The following FNBP4 variants were observed in gnomAD, a reference collection of about 807,000 sequenced individuals.
FNBP4 encodes the protein formin-binding protein 4.
A neutral mutation model predicts 119.3 loss-of-function variants in FNBP4; 34 were observed. The ratio of observed to expected loss-of-function variants is 0.28; its 90% confidence interval spans 0.22 to 0.38. The LOEUF (loss-of-function observed/expected upper bound fraction) is 0.38, where lower values mean the gene tolerates loss of function less well. Among genes scored for constraint, FNBP4 ranks in the 10% least tolerant of loss-of-function variants. The pLI is 1.00. For synonymous variants in FNBP4, 462 were observed against 430.6 expected (o/e 1.07, Z -0.90); for missense variants, 1,112 against 1,228.9 (o/e 0.90, Z 1.42).
Position 47,722,079 on chromosome 11 carries a change from T to G in FNBP4, c.2805+897A>C, listed in dbSNP as rs547722290. Reference sequence around the variant, plus strand: ...GGAAAAAAAAATATTTCTCATAGATTTATTTTTCCCTTATCTACTCCCAAG... The same window carrying G: ...GGAAAAAAAAATATTTCTCATAGATGTATTTTTCCCTTATCTACTCCCAAG... On this transcript the variant is annotated intron_variant, in intron 15 of 16. Transcript: ENST00000263773. Among the ~76,000 whole-genome samples, 239 of 138,390 alleles carry G rather than the reference T, an allele frequency of 1.7e-3. 1 individual carries two copies. Among genetic ancestry groups the G allele is most frequent in the Middle Eastern group, 0.011 (3 of 264 alleles). 90.8% of individuals were successfully genotyped at this position (138,390 alleles called of 152,430 possible).
At chr11:47,744,529 T>C (rs1401007525) in intron 7 of FNBP4, among the ~76,000 whole-genome samples, 2 of 152,208 alleles carry the variant, frequency 1.3e-5, no homozygotes, top group East Asian at 3.8e-4. Flanking sequence ...CCCAAAGTCC[T>C]GGGATTACAG....
chr11:47,735,464 T>C (rs2097572759), intron 9 of FNBP4, among the ~76,000 whole-genome samples: 1 of 152,228 alleles, frequency 6.6e-6, no homozygotes, highest in East Asian at 1.9e-4. Flanking sequence ...GGTCTAACTC[T>C]CCCATGAGAT....
At chr11:47,728,134 C>T (rs1021347266) in intron 12 of FNBP4, among the ~76,000 whole-genome samples, 1 of 152,146 alleles carries the variant, frequency 6.6e-6, no homozygotes, top group Non-Finnish European at 1.5e-5. Flanking sequence ...CCTCAGCCTC[C>T]CAAAGTGCTG....
intron 2 of FNBP4, among the ~76,000 whole-genome samples, chr11:47,764,380 C>A (rs1480089150): frequency 6.6e-6 from 1 of 152,188 alleles, no homozygotes; most frequent in Non-Finnish European, 1.5e-5. Flanking sequence ...CTGCTCCTGG[C>A]TAAATTCTAC....
chr11:47,752,286 G>A (rs569230436), intron 4 of FNBP4, among the ~76,000 whole-genome samples: 190 of 151,666 alleles, frequency 1.3e-3, no homozygotes, highest in African/African-American at 4.4e-3. Flanking sequence ...TTTGCTGGGC[G>A]TGGTGGTGGG....
rs1301434577 is a variant in FNBP4 at position 47,724,155 on chromosome 11, G to A, written c.2337C>T (p.Thr779=). 17 of 1,614,004 alleles carry A rather than the reference G, an allele frequency of 1.1e-5. No individual in the cohort carries two copies. The South Asian group carries it at 1.3e-4, about 13-fold the overall frequency. ...VVTSQSSVDS[T]ISSSSSTKGI... ...CTTTAGTGGAAGAAGAACTAGAGAT[G>A]GTGGAATCAACTGAACTCTGAAACA... Residue 779 remains threonine (T), a synonymous_variant, in exon 14 of 17, where the codon ACC becomes ACT. Coordinates refer to ENST00000263773, the MANE Select transcript of FNBP4 (RefSeq NM_015308.5).
chr11:47,724,857 C>A, intron 12 of FNBP4, 79 bp from the exon 13 acceptor site: 3 of 1,493,598 alleles, frequency 2.0e-6, no homozygotes, highest in South Asian at 1.4e-5. Context: ...TTCAACTGGT[C>A]AGTAAGATAA....
Position 47,752,951 on chromosome 11 carries a change from C to A in FNBP4, c.602G>T (p.Gly201Val). 1 of 1,613,760 alleles carries A rather than the reference C, an allele frequency of 6.2e-7. No homozygotes were observed. Among genetic ancestry groups the A allele is most frequent in the Non-Finnish European group, 8.5e-7 (1 of 1,179,828 alleles). Residue 201 changes from glycine to valine, a missense_variant, in exon 4 of 17, where the codon GGT (glycine) becomes GTT (valine). This residue lies in a region of FNBP4 where 826 missense variants were observed against 988.8 expected (regional missense o/e 0.84). Transcript: ENST00000263773. ...SNGTDSTQTS[G>V]WQYDTQCSLA... ...TGAACACTGAGTATCATATTGCCAA[C>A]CAGATGTTTGGGTGGAGTCTGTTCC...
chr11:47,766,093 T>C (rs1358985892), intron 1 of FNBP4, among the ~76,000 whole-genome samples: 2 of 151,980 alleles, frequency 1.3e-5, no homozygotes, highest in African/African-American at 2.4e-5. Context: ...TCGCCTGTAA[T>C]GATCGCTTGA....
intron 4 of FNBP4, among the ~76,000 whole-genome samples, chr11:47,752,178 C>A (rs2097605332): frequency 6.6e-6 from 1 of 151,906 alleles, no homozygotes; most frequent in Non-Finnish European, 1.5e-5. Context: ...AATCACAGCA[C>A]CTTGGGAGGC....
chr11:47,755,362 T>C lies in FNBP4; in HGVS notation c.314-698A>G, dbSNP rs547542004. 4.5e-4 allele frequency among the ~76,000 whole-genome samples: 60 copies of C among 134,252 alleles called. No individual in the cohort carries two copies. The South Asian group carries it at 0.01, about 23-fold the overall frequency. 88.1% of individuals were successfully genotyped at this position (134,252 alleles called of 152,430 possible). On this transcript the variant is annotated intron_variant, in intron 2 of 16. Transcript: ENST00000263773. The stretch of plus-strand genomic sequence containing the variant: ...TACTCAGGAGGCTGAAGCAGAAAAA[T>C]TGCTTGAACTCGGGAGGCGGAGGTT...
intron 8 of FNBP4, among the ~76,000 whole-genome samples, chr11:47,741,390 G>A (rs1328603832): frequency 6.6e-6 from 1 of 151,636 alleles, no homozygotes; most frequent in Non-Finnish European, 1.5e-5. Flanking sequence ...GGCTGGTCTT[G>A]ACTCCTGGCC....
At chr11:47,736,244 A>G (rs1279736099) in intron 9 of FNBP4, among the ~76,000 whole-genome samples, 180 of 31,002 alleles carry the variant, frequency 5.8e-3, no homozygotes, top group South Asian at 0.019. Flanking sequence ...CTCTCTTGGG[A>G]AAAAAAAAGA....
At position 47,746,406 on chromosome 11, in the gene FNBP4, A is replaced by G. The variant is rs1237844518; in HGVS notation, c.907-12T>C. 1.3e-6 allele frequency: 2 copies of G among 1,568,556 alleles called. No homozygotes were observed. Among genetic ancestry groups the G allele is most frequent in the South Asian group, 2.4e-5 (2 of 83,310 alleles). ...CCTTCATTTACTTCCTATAAAGAACAAAATAATTTAGTCTCATTTAATTCT... is the reference window on the plus strand; with the variant it reads ...CCTTCATTTACTTCCTATAAAGAACGAAATAATTTAGTCTCATTTAATTCT... On this transcript the variant is annotated splice_polypyrimidine_tract_variant and intron_variant, in intron 6 of 16. Coordinates refer to ENST00000263773, the MANE Select transcript of FNBP4 (RefSeq NM_015308.5).
chr11:47,747,465 C>T (rs1476656188), intron 6 of FNBP4, among the ~76,000 whole-genome samples: 1 of 152,126 alleles, frequency 6.6e-6, no homozygotes, highest in Non-Finnish European at 1.5e-5. Flanking sequence ...ACCTTGGCAA[C>T]AGGCCCAATT....
In FNBP4 at chr11:47,754,569, G is replaced by C; in HGVS notation, c.409C>G (p.Gln137Glu). The C allele has an allele frequency of 6.2e-7, 1 of 1,614,044 alleles. No individual in the cohort carries two copies. The highest frequency in any genetic ancestry group is 8.5e-7 in the Non-Finnish European group (1 of 1,180,008). ...LAQSKETNGN[Q>E]STDIDSTLAN... ...AATGTACTATCAATATCAGTTGACTGGTTTCCATTTGTCTCTTTGGATTGT... is the reference window on the plus strand; with the variant it reads ...AATGTACTATCAATATCAGTTGACTCGTTTCCATTTGTCTCTTTGGATTGT... The change falls in exon 3 of 17, where the codon CAG becomes GAG. Residue 137 changes from glutamine (Q) to glutamate (E), a missense_variant. By Grantham distance (29) the Gln-to-Glu change is conservative (BLOSUM62 2). Coordinates refer to ENST00000263773, the MANE Select transcript of FNBP4 (RefSeq NM_015308.5).
intron 12 of FNBP4, chr11:47,730,278 T>G: frequency 2.1e-6 from 2 of 975,298 alleles, no homozygotes; most frequent in South Asian, 4.7e-5. Flanking sequence ...AAAGAAAATC[T>G]CTTCATGTAA....
At chr11:47,738,993 C>T (rs979266072) in intron 8 of FNBP4, among the ~76,000 whole-genome samples, 1 of 150,448 alleles carries the variant, frequency 6.6e-6, no homozygotes, top group Non-Finnish European at 1.5e-5. Flanking sequence ...ATGTGAGGCA[C>T]GGCGCCTGGC....
At chr11:47,738,847 ATTTTTT>A (rs71045510) in intron 8 of FNBP4, among the ~76,000 whole-genome samples, 36 of 110,958 alleles carry the variant, frequency 3.2e-4, no homozygotes, top group South Asian at 1.3e-3. Context: ...TGCCCAGGTA[ATTTTTT>A]TTTTTTTTTT....
Sources: gnomAD v4.1 joint callset for allele counts (sites outside exome capture counted in the v4.1 genomes callset) on GRCh38, gnomAD v4.1.1 for gene constraint, gnomAD v4.1.1 regional missense constraint, MANE v1.5 for transcripts, NCBI Gene and HGNC (gene_info 2026-07-23, HGNC 2026-07-21) for gene names.